Variants in ZNF615 observed in about 807,000 individuals in gnomAD.
ZNF615 encodes the protein zinc finger protein 615.
A neutral mutation model predicts 15.3 loss-of-function variants in ZNF615; 15 were observed. The observed-to-expected ratio is 0.98, with a 90% confidence interval of 0.66 to 1.51. ZNF615 has a LOEUF of 1.51. Among genes scored for constraint, ZNF615 ranks in the 40% most tolerant of loss-of-function variants. ZNF615 has a pLI of 0.00. For missense variants in ZNF615, 848 were observed against 895.9 expected, an observed-to-expected ratio of 0.95 and a Z score of 0.68; for synonymous variants, 268 against 294.6, an observed-to-expected ratio of 0.91 and a Z score of 0.92.
intron 1 of ZNF615, 27 bp downstream of exon 1, chr19:52,008,114 C>T: frequency 1.3e-6 from 2 of 1,534,676 alleles, no homozygotes; most frequent in Non-Finnish European, 8.7e-7. Flanking sequence ...CCCGTCACCA[C>T]AGCGACCACC....
At chr19:51,996,617 T>A (rs2086449702) in intron 6 of ZNF615, among the ~76,000 whole-genome samples, 1 of 152,174 alleles carries the variant, frequency 6.6e-6, no homozygotes. Flanking sequence ...AACAGCAATG[T>A]AGATGACATC....
At chr19:52,002,574 T>C (rs2086631560) in intron 3 of ZNF615, 2 of 477,304 alleles carry the variant, frequency 4.2e-6, no homozygotes, top group African/African-American at 2.0e-5. Context: ...ACCAAACTAG[T>C]CATAAGTATA....
At chr19:52,007,787 C>CGTTT in intron 1 of ZNF615, among the ~76,000 whole-genome samples, 2 of 152,152 alleles carry the variant, frequency 1.3e-5, no homozygotes, top group African/African-American at 4.8e-5. Context: ...CAAAACAAAC[C>CGTTT]CTCCAGTTCG....
At chr19:52,007,430 T>C in intron 1 of ZNF615, 100 bp from the exon 2 acceptor site, 4 of 642,640 alleles carry the variant, frequency 6.2e-6, no homozygotes, top group Non-Finnish European at 9.2e-6. Flanking sequence ...GTATGCTAGA[T>C]GACTGATCTC....
At chr19:52,000,473 G>A (rs2086560080) in intron 5 of ZNF615, 95 bp from the exon 6 acceptor site, 3 of 508,870 alleles carry the variant, frequency 5.9e-6, no homozygotes. Flanking sequence ...GATGATTCTT[G>A]TTCCTCATAC....
intron 2 of ZNF615, 63 bp downstream of exon 2, chr19:52,007,230 C>A: frequency 4.1e-6 from 4 of 968,764 alleles, no homozygotes; most frequent in South Asian, 4.1e-5. Flanking sequence ...ACATAACATA[C>A]ACGTCTAAAA....
intron 5 of ZNF615, 110 bp downstream of exon 5, chr19:52,001,703 A>C: frequency 1.3e-6 from 1 of 774,336 alleles, no homozygotes; most frequent in South Asian, 1.5e-5. Context: ...AGAAGGAGTG[A>C]TGGAGGGGCT....
chr19:52,000,069 G>A, intron 6 of ZNF615: 1 of 327,640 alleles, frequency 3.1e-6, no homozygotes. Flanking sequence ...CATGTCATTT[G>A]CAGCAACATG....
In ZNF615 at chr19:51,991,862, A is replaced by T. The variant is rs2086244097; in HGVS notation, c.*1018T>A. ...ACTTTCCTGTATTTGGTAATGAACT[A>T]TGCTTATGTAAGTTGTTATCTTTGG... On this transcript the variant is annotated 3_prime_UTR_variant, in exon 7 of 7. Transcript: ENST00000598071. 6.6e-6 allele frequency: 1 copy of T among 151,036 alleles called. No homozygotes were observed. The highest frequency in any genetic ancestry group is 6.6e-5 in the Admixed American group (1 of 15,140). 9.4% of individuals were successfully genotyped at this position (151,036 alleles called of 1,614,324 possible). A position where few individuals can be genotyped will look rare whatever the true frequency, so the allele number is the denominator to read the frequency against.
Position 51,993,244 on chromosome 19 carries a change from A to C in ZNF615, c.1865T>G (p.Leu622Arg), listed in dbSNP as rs772193641. 2 of 1,614,036 alleles carry C rather than the reference A, an allele frequency of 1.2e-6. No homozygotes were observed. Among genetic ancestry groups the C allele is most frequent in the African/African-American group, 2.7e-5 (2 of 74,914 alleles). ...AGTATGAGTTTGCTGATGTATACTG[A>C]GAGTACTCTTCATGGTGAAGCCCTT... Reference protein sequence around the residue: ...CGKGFTMKSTLSIHQQTHTGE... With the variant: ...CGKGFTMKSTRSIHQQTHTGE... Residue 622 changes from leucine to arginine, a missense_variant, in exon 7 of 7, where the codon CTC (leucine) becomes CGC (arginine). By Grantham distance (102) the Leu-to-Arg change is moderately radical (BLOSUM62 -2). Coordinates refer to ENST00000598071, the MANE Select transcript of ZNF615 (RefSeq NM_001199324.2).
chr19:52,002,955 T>A (rs981896538), intron 3 of ZNF615, among the ~76,000 whole-genome samples: 2 of 152,050 alleles, frequency 1.3e-5, no homozygotes, highest in South Asian at 2.1e-4. Context: ...GCCTCCCTAG[T>A]AGCTGGGATT....
In ZNF615 at chr19:51,994,377, T is replaced by A. The variant is rs561789386; in HGVS notation, c.732A>T (p.Val244=). Residue 244 remains valine, a synonymous_variant, in exon 7 of 7, where the codon GTA becomes GTT. Coordinates refer to ENST00000598071, the MANE Select transcript of ZNF615 (RefSeq NM_001199324.2). ...AGAAAGCTTTCCCACACATACTGCA[T>A]ACATGAGGTTTTTCTCCAGTGTGAA... is the stretch of plus-strand genomic sequence containing the variant. ...QRVHTGEKPH[V]CSMCGKAFSR... 4.3e-6 allele frequency: 7 copies of A among 1,614,060 alleles called. No individual in the cohort carries two copies. Among genetic ancestry groups the A allele is most frequent in the Admixed American group, 3.3e-5 (2 of 60,012 alleles).
intron 6 of ZNF615, among the ~76,000 whole-genome samples, chr19:51,997,175 G>A (rs756926215): frequency 2.0e-4 from 31 of 151,980 alleles, no homozygotes; most frequent in Non-Finnish European, 4.0e-4. Context: ...GAAATTAGCT[G>A]GGTGTGGTGG....
At chr19:51,994,868 A>C in intron 6 of ZNF615, 31 bp from the exon 7 acceptor site, 3 of 1,528,326 alleles carry the variant, frequency 2.0e-6, no homozygotes, top group Non-Finnish European at 2.6e-6. Context: ...CAATCACTCC[A>C]TCATCTTGTT....
At chr19:51,996,385 C>CAAAAAAAAAAAAA (rs1172310589) in intron 6 of ZNF615, among the ~76,000 whole-genome samples, 19 of 33,310 alleles carry the variant, frequency 5.7e-4, no homozygotes, top group African/African-American at 7.2e-4. Flanking sequence ...GACTCTGTCT[C>CAAAAAAAAAAAAA]AAAAAAAAAA....
chr19:52,001,942 A>G, intron 4 of ZNF615, 34 bp from the exon 5 acceptor site: 1 of 1,610,472 alleles, frequency 6.2e-7, no homozygotes, highest in East Asian at 2.2e-5. Flanking sequence ...ATTTAGACAA[A>G]TCAAACGGGG....
chr19:51,997,530 C>T (rs2123036430), intron 6 of ZNF615, among the ~76,000 whole-genome samples: 1 of 152,274 alleles, frequency 6.6e-6, no homozygotes, highest in Non-Finnish European at 1.5e-5. Flanking sequence ...TCCCGTGTTG[C>T]TACAGAAAGA....
chr19:52,007,332 TGAA>T lies in ZNF615; in HGVS notation c.-227-5_-227-3del, dbSNP rs1568508486. 2 of 1,287,956 alleles carry T rather than the reference TGAA, an allele frequency of 1.6e-6. No homozygotes were observed. The highest frequency in any genetic ancestry group is 2.0e-6 in the Non-Finnish European group (2 of 987,790). 79.8% of individuals were successfully genotyped at this position (1,287,956 alleles called of 1,614,324 possible). ...TATCTTACTTGTGTCAGAAAGAACC[TGAA>T]AAGAAATATCCAAGAGGATACGCTG... On this transcript the variant is annotated splice_region_variant and splice_polypyrimidine_tract_variant and intron_variant, in intron 1 of 6. Coordinates refer to ENST00000598071, the MANE Select transcript of ZNF615 (RefSeq NM_001199324.2).
chr19:51,993,870 A>C lies in ZNF615; in HGVS notation c.1239T>G (p.Cys413Trp). ...QTHTGEKLYT[C>W]SECGKGFSMK... is the part of the protein sequence containing the mutation. Reference sequence around the variant, plus strand: ...TTGAAAAGCCTTTTCCACATTCACTACATGTATATAATTTCTCTCCTGTAT... The same window carrying C: ...TTGAAAAGCCTTTTCCACATTCACTCCATGTATATAATTTCTCTCCTGTAT... The change falls in exon 7 of 7, where the codon TGT (cysteine) becomes TGG (tryptophan). Residue 413 changes from cysteine (C) to tryptophan (W), a missense_variant. By Grantham distance (215) the Cys-to-Trp change is radical (BLOSUM62 -2). Transcript: ENST00000598071. The C allele has an allele frequency of 1.9e-6, 3 of 1,613,990 alleles. No homozygotes were observed. Among genetic ancestry groups the C allele is most frequent in the Non-Finnish European group, 2.5e-6 (3 of 1,179,976 alleles).
Sources: gnomAD v4.1 joint callset for allele counts (sites outside exome capture counted in the v4.1 genomes callset) on GRCh38, gnomAD v4.1.1 for gene constraint, MANE v1.5 for transcripts, NCBI Gene and HGNC (gene_info 2026-07-23, HGNC 2026-07-21) for gene names.